Variants in USP24 observed in about 807,000 individuals in gnomAD.
USP24 encodes the protein ubiquitin carboxyl-terminal hydrolase 24.
USP24 carries 97 observed loss-of-function variants against 361.6 expected under a neutral mutation model. That is an observed-to-expected ratio of 0.27 (90% confidence interval 0.23 to 0.32). USP24 has a LOEUF of 0.32. Among genes scored for constraint, USP24 ranks in the 10% least tolerant of loss-of-function variants. The probability of loss-of-function intolerance (pLI) is 1.00; values close to 1 mark genes in which losing one functional copy is unlikely to be tolerated. For missense variants in USP24, 2,353 were observed against 3,165.6 expected (o/e 0.74, Z 6.16); for synonymous variants, 1,098 against 1,124.6 (o/e 0.98, Z 0.47).
intron 3 of USP24, among the ~76,000 whole-genome samples, chr1:55,173,401 C>T (rs569560464): frequency 2.6e-5 from 4 of 152,166 alleles, no homozygotes; most frequent in Middle Eastern, 3.4e-3. Context: ...TTCTTAGATT[C>T]CTTAAAAAGT....
intron 67 of USP24, 84 bp from the exon 68 acceptor site, chr1:55,069,191 G>A: frequency 1.5e-6 from 2 of 1,362,230 alleles, no homozygotes; most frequent in Non-Finnish European, 2.1e-6. Context: ...ATTTAAACAT[G>A]TCTTCATCTG....
intron 38 of USP24, among the ~76,000 whole-genome samples, chr1:55,116,351 G>GAA (rs530488795): frequency 6.3e-5 from 9 of 142,032 alleles, no homozygotes; most frequent in African/African-American, 1.3e-4. Flanking sequence ...ATACCAAAAA[G>GAA]AAAAAAAAAA....
chr1:55,092,813 T>C lies in USP24; in HGVS notation c.6450+8A>G, dbSNP rs368614060. ...TTCTTATTTCTAACAATCCAGTTAG[T>C]TACTTACAGCATTCAATGAAGCTAA... On this transcript the variant is annotated splice_region_variant and intron_variant, in intron 53 of 67. Coordinates refer to ENST00000294383, the MANE Select transcript of USP24 (RefSeq NM_015306.3). 1.9e-5 allele frequency: 29 copies of C among 1,546,880 alleles called. No individual in the cohort carries two copies. The highest frequency in any genetic ancestry group is 1.8e-4 in the African/African-American group (13 of 72,228).
Position 55,147,691 on chromosome 1 carries a change from T to G in USP24, c.2076A>C (p.Leu692Phe). The stretch of plus-strand genomic sequence containing the variant: ...GGCCATCCACTAGTGTCGAGCCACT[T>G]AAGCCTCCAGGCCCGGCCACAGCAG... ...LAAAVAGPGGLSGSTLVDGRY... is the reference protein window; with the variant it reads ...LAAAVAGPGGFSGSTLVDGRY... Residue 692 changes from leucine to phenylalanine, a missense_variant, in exon 18 of 68, where the codon TTA (leucine) becomes TTC (phenylalanine). Coordinates refer to ENST00000294383, the MANE Select transcript of USP24 (RefSeq NM_015306.3). The G allele has an allele frequency of 6.2e-7, 1 of 1,611,282 alleles. No homozygotes were observed. The highest frequency in any genetic ancestry group is 8.5e-7 in the Non-Finnish European group (1 of 1,178,692).
intron 38 of USP24, among the ~76,000 whole-genome samples, chr1:55,115,010 A>G (rs1557582085): frequency 6.7e-6 from 1 of 149,950 alleles, no homozygotes; most frequent in Non-Finnish European, 1.5e-5. Flanking sequence ...ACAAAGGGCT[A>G]ATATCCAGAT....
chr1:55,123,750 T>C, intron 35 of USP24, 148 bp from the exon 36 acceptor site: 2 of 809,716 alleles, frequency 2.5e-6, no homozygotes, highest in Admixed American at 3.8e-5. Context: ...GATTTAATAC[T>C]GTATTTGAAA....
intron 17 of USP24, 94 bp downstream of exon 17, chr1:55,148,369 G>T: frequency 2.4e-6 from 2 of 832,428 alleles, no homozygotes; most frequent in Non-Finnish European, 3.7e-6. Context: ...TAAACATAAA[G>T]ATAGTGACTA....
At chr1:55,098,691 G>A in intron 45 of USP24, 133 bp from the exon 46 acceptor site, 1 of 685,676 alleles carries the variant, frequency 1.5e-6, no homozygotes. Flanking sequence ...GTGGTGAATG[G>A]AGGCTAAACC....
chr1:55,154,616 A>G lies in USP24; in HGVS notation c.1554+55T>C. On this transcript the variant is annotated intron_variant, in intron 13 of 67. Coordinates refer to ENST00000294383, the MANE Select transcript of USP24 (RefSeq NM_015306.3). ...GGGGAGGAGGGGTATTCAGGACCTC[A>G]AAAGAGCTTATTTTAAGAAAATTTA... The G allele has an allele frequency of 1.9e-6, 3 of 1,547,846 alleles. No homozygotes were observed. The South Asian group carries it at 3.5e-5, about 18-fold the overall frequency.
At position 55,075,501 on chromosome 1, in the gene USP24, A is replaced by G. The variant is rs487230; in HGVS notation, c.7403T>C (p.Val2468Ala). Residue 2468 changes from valine (V) to alanine (A), a missense_variant, in exon 63 of 68, where the codon GTA becomes GCA. Transcript: ENST00000294383. Reference sequence around the variant, plus strand: ...CTCAAACACAAATTTGACTCGCTCTACTTGTATAGGATCTTCAATAACCTG... The same window carrying G: ...CTCAAACACAAATTTGACTCGCTCTGCTTGTATAGGATCTTCAATAACCTG... ...EILVIEDPIQ[V>A]ERVKFVFETE... 0.75 allele frequency: 1,199,866 copies of G among 1,599,694 alleles called. 458,963 individuals are homozygous for G. The highest frequency in any genetic ancestry group is 0.9 in the East Asian group (40,226 of 44,596).
chr1:55,198,832 G>C (rs1644486245), intron 1 of USP24, among the ~76,000 whole-genome samples: 1 of 152,148 alleles, frequency 6.6e-6, no homozygotes, highest in African/African-American at 2.4e-5. Context: ...ATGAAAGAAG[G>C]CAAGTATTTT....
At chr1:55,147,308 C>T (rs1019749899) in intron 18 of USP24, among the ~76,000 whole-genome samples, 1 of 152,048 alleles carries the variant, frequency 6.6e-6, no homozygotes, top group Non-Finnish European at 1.5e-5. Context: ...TCAGCAATCT[C>T]AAAGTAAAAC....
At chr1:55,159,445 G>A (rs1648038808) in intron 9 of USP24, among the ~76,000 whole-genome samples, 166 bp downstream of exon 9, 1 of 152,144 alleles carries the variant, frequency 6.6e-6, no homozygotes, top group Admixed American at 6.6e-5. Flanking sequence ...AACCACCAAT[G>A]GTGCTTCAGA....
chr1:55,103,188 C>T (rs1645683765), intron 42 of USP24, among the ~76,000 whole-genome samples: 1 of 152,290 alleles, frequency 6.6e-6, no homozygotes, highest in South Asian at 2.1e-4. Flanking sequence ...TCATATTCTT[C>T]TCATTACTGG....
chr1:55,154,779 C>A lies in USP24; in HGVS notation c.1447-1G>T. On this transcript the variant is annotated splice_acceptor_variant, in intron 12 of 67. Transcript: ENST00000294383. LOFTEE classifies it high-confidence loss of function. The stretch of plus-strand genomic sequence containing the variant: ...CAATCACAGTAGATGATTGTCCTGA[C>A]TGGAAAAGGAAACATTGGAAAAAAA... The A allele has an allele frequency of 6.2e-7, 1 of 1,606,020 alleles. No homozygotes were observed. The highest frequency in any genetic ancestry group is 8.5e-7 in the Non-Finnish European group (1 of 1,176,582).
chr1:55,165,777 C>A (rs1648769511), intron 7 of USP24, 108 bp downstream of exon 7: 1 of 867,042 alleles, frequency 1.2e-6, no homozygotes, highest in Non-Finnish European at 1.6e-6. Context: ...TAAAGATGAA[C>A]CTTTAATTTA....
intron 32 of USP24, among the ~76,000 whole-genome samples, chr1:55,126,863 A>C (rs1364066661): frequency 1.3e-5 from 2 of 152,232 alleles, no homozygotes; most frequent in Admixed American, 1.3e-4. Context: ...GCTGGTGTCC[A>C]TGCCTACCTC....
chr1:55,110,417 C>T (rs1165659062), intron 38 of USP24, among the ~76,000 whole-genome samples, 171 bp from the exon 39 acceptor site: 1 of 152,084 alleles, frequency 6.6e-6, no homozygotes, highest in African/African-American at 2.4e-5. Flanking sequence ...ACTGATTTTA[C>T]TAATACAGAT....
At chr1:55,171,755 A>G in intron 4 of USP24, 77 bp from the exon 5 acceptor site, 1 of 1,473,070 alleles carries the variant, frequency 6.8e-7, no homozygotes, top group Non-Finnish European at 9.2e-7. Context: ...AAGAAGATAA[A>G]AATATAGCCT....
Sources: allele counts gnomAD v4.1 joint callset (sites outside exome capture counted in the v4.1 genomes callset), GRCh38; gene constraint gnomAD v4.1.1; transcripts MANE v1.5; gene names NCBI Gene and HGNC (gene_info 2026-07-23, HGNC 2026-07-21).